Variants in PCCA observed in about 807,000 individuals in gnomAD.
PCCA encodes the protein propionyl-CoA carboxylase subunit alpha, also known as propionyl-CoA carboxylase alpha chain, mitochondrial.
A neutral mutation model predicts 101.3 loss-of-function variants in PCCA; 74 were observed. That is an observed-to-expected ratio of 0.73 (90% CI 0.61 to 0.89). The LOEUF is 0.89. Among genes scored for constraint, PCCA ranks in the 40% least tolerant of loss-of-function variants. The probability of loss-of-function intolerance (pLI) is 0.00; values close to 1 mark genes in which losing one functional copy is unlikely to be tolerated. For synonymous variants in PCCA, 294 were observed against 313.6 expected (o/e 0.94, Z 0.66); for missense variants, 891 against 907.0 (o/e 0.98, Z 0.23).
chr13:100,341,968 T>C, intron 18 of PCCA, among the ~76,000 whole-genome samples: 1 of 110,166 alleles, frequency 9.1e-6, no homozygotes, highest in South Asian at 2.5e-4. Flanking sequence ...TATATATATA[T>C]ATATATATAT....
chr13:100,408,459 TCA>T (rs1419151327), intron 19 of PCCA, among the ~76,000 whole-genome samples: 1 of 152,246 alleles, frequency 6.6e-6, no homozygotes, highest in Non-Finnish European at 1.5e-5. Flanking sequence ...CTGAAAGGTA[TCA>T]CAGTTTTTAT....
At chr13:100,198,914 ATTTT>A (rs55731223) in intron 6 of PCCA, among the ~76,000 whole-genome samples, 23 of 143,994 alleles carry the variant, frequency 1.6e-4, no homozygotes, top group Non-Finnish European at 1.8e-4. Flanking sequence ...GTACTTTACA[ATTTT>A]TTTTTTTTTT....
chr13:100,228,923 A>G (rs2060311355), intron 7 of PCCA, among the ~76,000 whole-genome samples: 1 of 151,630 alleles, frequency 6.6e-6, no homozygotes, highest in South Asian at 2.1e-4. Flanking sequence ...AAAAAGCACA[A>G]AGTATATTTA....
intron 2 of PCCA, among the ~76,000 whole-genome samples, chr13:100,104,224 C>T (rs142695273): frequency 0.012 from 1,761 of 152,206 alleles, 14 homozygotes; most frequent in Non-Finnish European, 0.019. Flanking sequence ...TGCTGAAGTG[C>T]GCAATACTGC....
At chr13:100,508,639 A>G (rs1002747885) in intron 21 of PCCA, among the ~76,000 whole-genome samples, 1 of 152,246 alleles carries the variant, frequency 6.6e-6, no homozygotes, top group African/African-American at 2.4e-5. Flanking sequence ...CAATGTCAGA[A>G]ACCATATATT....
intron 4 of PCCA, among the ~76,000 whole-genome samples, chr13:100,127,251 A>G (rs2050041837): frequency 6.6e-6 from 1 of 152,194 alleles, no homozygotes; most frequent in Admixed American, 6.5e-5. Context: ...GCTTTTTTTA[A>G]TCTGTGGGAA....
intron 10 of PCCA, among the ~76,000 whole-genome samples, chr13:100,265,943 G>C (rs2062908366): frequency 6.6e-6 from 1 of 152,180 alleles, no homozygotes; most frequent in Admixed American, 6.5e-5. Context: ...TGTTTTTGAG[G>C]GAGGAAATCA....
At chr13:100,386,338 G>A in intron 19 of PCCA, among the ~76,000 whole-genome samples, 1 of 152,236 alleles carries the variant, frequency 6.6e-6, no homozygotes. Flanking sequence ...TTGAAATACT[G>A]TGCAGCCTTT....
chr13:100,439,217 T>TC (rs1291416941), intron 20 of PCCA, among the ~76,000 whole-genome samples: 6 of 152,202 alleles, frequency 3.9e-5, no homozygotes, highest in Non-Finnish European at 8.8e-5. Flanking sequence ...CCCCTTAATG[T>TC]CAACCACAGT....
intron 7 of PCCA, among the ~76,000 whole-genome samples, chr13:100,232,351 C>CGTGTGTGTGTGTGT (rs375554722): frequency 0.011 from 1,458 of 131,234 alleles, 28 homozygotes; most frequent in Admixed American, 0.017. Context: ...TGTGTGTATG[C>CGTGTGTGTGTGTGT]GTGTGTGTGT....
intron 16 of PCCA, among the ~76,000 whole-genome samples, chr13:100,326,977 T>C (rs1418649915): frequency 6.6e-6 from 1 of 152,216 alleles, no homozygotes; most frequent in South Asian, 2.1e-4. Context: ...CCTCATGTTA[T>C]TCAGTCATCA....
At chr13:100,516,695 C>A (rs529161654) in intron 22 of PCCA, among the ~76,000 whole-genome samples, 2 of 151,880 alleles carry the variant, frequency 1.3e-5, no homozygotes, top group Non-Finnish European at 2.9e-5. Flanking sequence ...CTGTCTAATG[C>A]CCACGTGTTA....
At position 100,368,465 on chromosome 13, in the gene PCCA, A is replaced by T; in HGVS notation, c.1644-7A>T. ...TATTAACTCTTTTTCTTTTCATTCT[A>T]CTTCAGAATGCCTGTTATTAAACCA... On this transcript the variant is annotated splice_region_variant and splice_polypyrimidine_tract_variant and intron_variant, in intron 18 of 23. Transcript: ENST00000376285. 6.9e-7 allele frequency: 1 copy of T among 1,438,984 alleles called. No individual in the cohort carries two copies. The highest frequency in any genetic ancestry group is 9.8e-7 in the Non-Finnish European group (1 of 1,022,444). The allele number at this position is 1,438,984 out of a possible 1,614,324, so 89.1% of individuals were successfully genotyped here. A position where few individuals can be genotyped will look rare whatever the true frequency, so the allele number is the denominator to read the frequency against.
chr13:100,340,830 A>G (rs1009793809), intron 18 of PCCA, among the ~76,000 whole-genome samples: 2 of 152,182 alleles, frequency 1.3e-5, no homozygotes, highest in Non-Finnish European at 2.9e-5. Context: ...ATGTGTGTTT[A>G]CTTGCTGGAG....
intron 21 of PCCA, chr13:100,490,080 T>C (rs2084785560): frequency 6.6e-6 from 1 of 152,306 alleles, no homozygotes; most frequent in Admixed American, 6.5e-5. Flanking sequence ...TGTCTATTTC[T>C]GCATTCTGTC....
chr13:100,466,716 G>T (rs1233711207), intron 21 of PCCA, among the ~76,000 whole-genome samples: 1 of 152,104 alleles, frequency 6.6e-6, no homozygotes, highest in Admixed American at 6.5e-5. Context: ...AAATTAGCTG[G>T]GTGTGGTGGT....
At chr13:100,442,074 A>G (rs2080417004) in intron 20 of PCCA, among the ~76,000 whole-genome samples, 2 of 150,980 alleles carry the variant, frequency 1.3e-5, no homozygotes, top group Middle Eastern at 3.4e-3. Flanking sequence ...GCTCACTGCA[A>G]CCTCCGCCTC....
At chr13:100,290,567 C>G (rs79020981) in intron 12 of PCCA, among the ~76,000 whole-genome samples, 280 of 152,160 alleles carry the variant, frequency 1.8e-3, no homozygotes, top group African/African-American at 6.3e-3. Flanking sequence ...CCAGGATATG[C>G]CTTGGTTTGT....
chr13:100,479,092 T>G (rs550413077), intron 21 of PCCA, among the ~76,000 whole-genome samples: 16 of 152,352 alleles, frequency 1.1e-4, no homozygotes, highest in African/African-American at 3.8e-4. Context: ...CTACTCACTT[T>G]TATTAAAGAA....
Sources: allele counts gnomAD v4.1 joint callset (sites outside exome capture counted in the v4.1 genomes callset), GRCh38; gene constraint gnomAD v4.1.1; transcripts MANE v1.5; gene names NCBI Gene and HGNC (gene_info 2026-07-23, HGNC 2026-07-21).